Variants in PLCXD3 observed in about 807,000 individuals in gnomAD.
PLCXD3 encodes PI-PLC X domain-containing protein 3.
A neutral mutation model predicts 25.5 loss-of-function variants in PLCXD3; 19 were observed. The observed-to-expected ratio is 0.75, with a 90% confidence interval of 0.52 to 1.09. The LOEUF is 1.09. Ranked by LOEUF, PLCXD3 falls within the 50% of genes least tolerant of loss-of-function variation. The pLI is 0.00. For missense variants in PLCXD3, 411 were observed against 388.1 expected (o/e 1.06, Z -0.50); for synonymous variants, 174 against 137.6 (o/e 1.26, Z -1.85).
At chr5:41,314,483 T>TA (rs1423454849) in intron 2 of PLCXD3, among the ~76,000 whole-genome samples, 2 of 152,210 alleles carry the variant, frequency 1.3e-5, no homozygotes, top group Non-Finnish European at 2.9e-5. Context: ...ATAAGTGCTA[T>TA]AAAAATGGAG....
chr5:41,417,219 A>G (rs530875578), intron 1 of PLCXD3, among the ~76,000 whole-genome samples: 2 of 152,294 alleles, frequency 1.3e-5, no homozygotes, highest in South Asian at 4.1e-4. Context: ...GGGTCCCAGG[A>G]AGGGAGACCT....
chr5:41,502,148 GGA>G (rs1748965012), intron 1 of PLCXD3, among the ~76,000 whole-genome samples: 2 of 152,050 alleles, frequency 1.3e-5, no homozygotes. Context: ...TGAGTGGATG[GGA>G]TCCAGAACAC....
In PLCXD3 at chr5:41,332,531, T is replaced by C. The variant is rs1273448392; in HGVS notation, c.813-18761A>G. ...CTAGTTCACCCCTTGTGAAAGTCAG[T>C]GTGGTGATTCCTCAGGGATCTAGAA... On this transcript the variant is annotated intron_variant, in intron 2 of 2. Transcript: ENST00000377801. Among the ~76,000 whole-genome samples the C allele has an allele frequency of 4.6e-5, 7 of 152,162 alleles. 1 individual carries two copies. Among genetic ancestry groups the C allele is most frequent in the Middle Eastern group, 6.3e-3 (2 of 316 alleles).
In PLCXD3 at chr5:41,440,249, T is replaced by TTTTTTTG. The variant is rs751131624; in HGVS notation, c.104-57716_104-57715insCAAAAAA. Among the ~76,000 whole-genome samples the TTTTTTTG allele has an allele frequency of 2.2e-3, 225 of 100,372 alleles. 21 individuals carry two copies. Among genetic ancestry groups the TTTTTTTG allele is most frequent in the African/African-American group, 8.2e-3 (213 of 25,846 alleles). 65.8% of individuals were successfully genotyped at this position (100,372 alleles called of 152,430 possible). On this transcript the variant is annotated intron_variant, in intron 1 of 2. Coordinates refer to ENST00000377801, the MANE Select transcript of PLCXD3 (RefSeq NM_001005473.3). ...TTTTTTTTTTTTTTTTTTTTTTTTT[T>TTTTTTTG]TTAGTCAGAGTCTCACTGTGTCACC...
At chr5:41,448,202 C>T (rs547105290) in intron 1 of PLCXD3, among the ~76,000 whole-genome samples, 1 of 152,276 alleles carries the variant, frequency 6.6e-6, no homozygotes, top group Admixed American at 6.5e-5. Context: ...GGGACCTGAA[C>T]CCCACCTCTC....
At chr5:41,342,142 A>G (rs1321067478) in intron 2 of PLCXD3, among the ~76,000 whole-genome samples, 1 of 152,214 alleles carries the variant, frequency 6.6e-6, no homozygotes, top group Non-Finnish European at 1.5e-5. Context: ...ACTGTGGCCT[A>G]TAGGGTATCC....
intron 1 of PLCXD3, among the ~76,000 whole-genome samples, chr5:41,473,343 G>C (rs1371228050): frequency 2.0e-5 from 3 of 152,044 alleles, no homozygotes; most frequent in Non-Finnish European, 2.9e-5. Flanking sequence ...CAAAGTGATA[G>C]CACATGTATA....
intron 1 of PLCXD3, among the ~76,000 whole-genome samples, chr5:41,405,209 G>A (rs1316868425): frequency 6.6e-6 from 1 of 152,096 alleles, no homozygotes; most frequent in Non-Finnish European, 1.5e-5. Context: ...TAGCTTTGTT[G>A]TTTGAGGTCT....
chr5:41,329,245 C>G (rs376471727), intron 2 of PLCXD3, among the ~76,000 whole-genome samples: 18 of 152,284 alleles, frequency 1.2e-4, no homozygotes, highest in African/African-American at 4.3e-4. Flanking sequence ...TTTCATCTTT[C>G]AGGTGAAAGT....
intron 1 of PLCXD3, among the ~76,000 whole-genome samples, chr5:41,461,417 C>A (rs1277319646): frequency 1.3e-5 from 2 of 151,906 alleles, no homozygotes; most frequent in East Asian, 3.9e-4. Context: ...TTTGAAGCAA[C>A]AATTCTCCAC....
At chr5:41,461,594 G>C (rs1747876136) in intron 1 of PLCXD3, among the ~76,000 whole-genome samples, 1 of 151,908 alleles carries the variant, frequency 6.6e-6, no homozygotes, top group Non-Finnish European at 1.5e-5. Context: ...TCTACATTTA[G>C]CCTTGTTTTT....
chr5:41,445,756 T>C (rs1434623446), intron 1 of PLCXD3, among the ~76,000 whole-genome samples: 1 of 152,182 alleles, frequency 6.6e-6, no homozygotes, highest in African/African-American at 2.4e-5. Flanking sequence ...CTGTTGCCTG[T>C]GCTTTTGAGG....
At chr5:41,482,928 T>C (rs1418742243) in intron 1 of PLCXD3, among the ~76,000 whole-genome samples, 4 of 152,194 alleles carry the variant, frequency 2.6e-5, no homozygotes, top group African/African-American at 9.6e-5. Flanking sequence ...ACAACTCCCA[T>C]TTCCCCTCCA....
chr5:41,479,712 GGAGA>G (rs34722630), intron 1 of PLCXD3, among the ~76,000 whole-genome samples: 3 of 149,294 alleles, frequency 2.0e-5, no homozygotes, highest in African/African-American at 7.4e-5. Context: ...CTGCTGAGAG[GGAGA>G]GAGAGAGAGA....
At chr5:41,488,930 T>G (rs1359798847) in intron 1 of PLCXD3, among the ~76,000 whole-genome samples, 1 of 151,918 alleles carries the variant, frequency 6.6e-6, no homozygotes, top group Non-Finnish European at 1.5e-5. Context: ...GCTCTTTAGT[T>G]GAATTAGATC....
chr5:41,418,083 C>T (rs1746734237), intron 1 of PLCXD3, among the ~76,000 whole-genome samples: 2 of 151,978 alleles, frequency 1.3e-5, no homozygotes, highest in African/African-American at 2.4e-5. Context: ...AAAAATTGTC[C>T]AGGATGGCTT....
At chr5:41,504,615 A>G (rs1749018265) in intron 1 of PLCXD3, among the ~76,000 whole-genome samples, 1 of 152,214 alleles carries the variant, frequency 6.6e-6, no homozygotes, top group Non-Finnish European at 1.5e-5. Flanking sequence ...GCCTCTGCAG[A>G]CACAGAATAA....
At chr5:41,469,569 G>T (rs1373556806) in intron 1 of PLCXD3, among the ~76,000 whole-genome samples, 2 of 150,186 alleles carry the variant, frequency 1.3e-5, no homozygotes, top group Non-Finnish European at 3.0e-5. Context: ...TATTTTTCAT[G>T]ATTCAGTCTT....
chr5:41,403,398 G>GGTTTTTTTTTTTTTTTTT (rs1746247547), intron 1 of PLCXD3, among the ~76,000 whole-genome samples: 1 of 33,990 alleles, frequency 2.9e-5, no homozygotes, highest in Non-Finnish European at 6.5e-5. Flanking sequence ...TGACTTATTT[G>GGTTTTTTTTTTTTTTTTT]TTGTTTTTTT....
Sources: gnomAD v4.1 joint callset for allele counts (sites outside exome capture counted in the v4.1 genomes callset) on GRCh38, gnomAD v4.1.1 for gene constraint, MANE v1.5 for transcripts, NCBI Gene and HGNC (gene_info 2026-07-23, HGNC 2026-07-21) for gene names.